Variants in NIPAL3 observed in about 807,000 individuals in gnomAD.
The protein encoded by NIPAL3 is NIPA like domain containing 3.
In NIPAL3, 41 loss-of-function variants were observed where a neutral mutation model predicts 47.2. The ratio of observed to expected loss-of-function variants is 0.87; its 90% CI spans 0.68 to 1.13. The LOEUF is 1.13. Among genes scored for constraint, NIPAL3 ranks in the 50% most tolerant of loss-of-function variants. The pLI, the probability that NIPAL3 is intolerant of heterozygous loss-of-function variation, is 0.00. For missense variants in NIPAL3, 449 were observed against 530.1 expected (o/e 0.85, Z 1.50); for synonymous variants, 194 against 209.6 (o/e 0.93, Z 0.64).
chr1:24,445,472 C>T (rs564396177), intron 5 of NIPAL3, among the ~76,000 whole-genome samples: 3 of 152,246 alleles, frequency 2.0e-5, no homozygotes, highest in African/African-American at 7.2e-5. Flanking sequence ...CTTTTATCCA[C>T]CCCATTGGAT....
At chr1:24,446,184 T>C (rs1645655227) in intron 5 of NIPAL3, among the ~76,000 whole-genome samples, 1 of 151,784 alleles carries the variant, frequency 6.6e-6, no homozygotes, top group African/African-American at 2.4e-5. Context: ...TCAGAGAAAA[T>C]TGAATGCTTT....
chr1:24,449,395 A>T lies in NIPAL3; in HGVS notation c.395-86A>T. 4 of 1,428,630 alleles carry T rather than the reference A, an allele frequency of 2.8e-6. No homozygotes were observed. The highest frequency in any genetic ancestry group is 3.8e-6 in the Non-Finnish European group (4 of 1,050,858). 88.5% of individuals were successfully genotyped at this position (1,428,630 alleles called of 1,614,324 possible). On this transcript the variant is annotated intron_variant, in intron 5 of 11. Coordinates refer to ENST00000374399, the MANE Select transcript of NIPAL3 (RefSeq NM_020448.5). The surrounding 1 kb of genome is among the most constrained non-coding windows in gnomAD (Gnocchi z 4.5). ...ACCAGGTCATGGTATGTTGCAGGAGAAGCCTGTTTTTTCATGGCTGAGAAC... is the reference window on the plus strand; with the variant it reads ...ACCAGGTCATGGTATGTTGCAGGAGTAGCCTGTTTTTTCATGGCTGAGAAC...
intron 9 of NIPAL3, 44 bp downstream of exon 9, chr1:24,459,020 G>A: frequency 1.3e-6 from 2 of 1,550,248 alleles, no homozygotes; most frequent in Non-Finnish European, 1.8e-6. Context: ...TACTTTAGCA[G>A]CAGGGTATTA....
rs1570394514 is a variant in NIPAL3 at position 24,466,306 on chromosome 1, T to C, written c.1021+2186T>C. 1.8e-5 allele frequency: 7 copies of C among 393,654 alleles called. No individual in the cohort carries two copies. In the East Asian group the frequency reaches 2.5e-4, roughly 14 times the overall value. 24.4% of individuals were successfully genotyped at this position (393,654 alleles called of 1,614,324 possible). A position where few individuals can be genotyped will look rare whatever the true frequency, so the allele number is the denominator to read the frequency against. On this transcript the variant is annotated intron_variant, in intron 11 of 11. Transcript: ENST00000374399. ...GAAGAAAAGGGTTTTTTTCCTAAAA[T>C]TAAAAATAAATAAATAAATAAAAGA...
chr1:24,458,628 G>A (rs1425383808), intron 8 of NIPAL3, among the ~76,000 whole-genome samples: 2 of 152,098 alleles, frequency 1.3e-5, no homozygotes, highest in Admixed American at 6.5e-5. Flanking sequence ...GCAGCCAAAG[G>A]TGTGAGACCA....
intron 7 of NIPAL3, among the ~76,000 whole-genome samples, chr1:24,455,269 A>C (rs1646140738): frequency 6.6e-6 from 1 of 152,228 alleles, no homozygotes. Flanking sequence ...GACATTTCTG[A>C]ACAGTAGGGT....
At chr1:24,414,633 C>G (rs1387988380), upstream of NIPAL3, 1 of 143,194 alleles carries the variant, frequency 7.0e-6, no homozygotes, top group African/African-American at 2.6e-5. Context: ...CTCCCGAGTT[C>G]AAGCGATCCT....
At chr1:24,435,634 C>T (rs927297387) in intron 2 of NIPAL3, among the ~76,000 whole-genome samples, 6 of 152,076 alleles carry the variant, frequency 3.9e-5, no homozygotes, top group African/African-American at 9.7e-5. Flanking sequence ...AATATGACAC[C>T]AAAAGCATAA....
Position 24,449,581 on chromosome 1 carries a change from G to A in NIPAL3, c.495G>A (p.Glu165=). ...ACAGTCACGAGAAGATGACAGGCGAGAATGTCACCAGGCACCTCGTGAGCT... is the reference window on the plus strand; with the variant it reads ...ACAGTCACGAGAAGATGACAGGCGAAAATGTCACCAGGCACCTCGTGAGCT... ...APNSHEKMTG[E]NVTRHLVSWP... is the part of the protein sequence containing the mutation. Residue 165 remains glutamate, a synonymous_variant, in exon 6 of 12, where the codon GAG becomes GAA. Coordinates refer to ENST00000374399, the MANE Select transcript of NIPAL3 (RefSeq NM_020448.5). The surrounding 1 kb of genome is among the most constrained non-coding windows in gnomAD (Gnocchi z 4.5). The A allele has an allele frequency of 6.2e-7, 1 of 1,614,096 alleles. No homozygotes were observed.
In NIPAL3 at chr1:24,419,518, A is replaced by G. The variant is rs1443836681; in HGVS notation, c.-30A>G. ...TAGCAGCAGCTCCACCTCCTAGGCC[A>G]GGCCCTGTGGGATGCGCCACTAGAC... On this transcript the variant is annotated 5_prime_UTR_variant, in exon 2 of 12. Coordinates refer to ENST00000374399, the MANE Select transcript of NIPAL3 (RefSeq NM_020448.5). 1.3e-6 allele frequency: 2 copies of G among 1,590,886 alleles called. No individual in the cohort carries two copies. The highest frequency in any genetic ancestry group is 1.7e-4 in the Middle Eastern group (1 of 5,898).
At chr1:24,433,732 C>G (rs1644980052) in intron 2 of NIPAL3, among the ~76,000 whole-genome samples, 1 of 152,050 alleles carries the variant, frequency 6.6e-6, no homozygotes, top group South Asian at 2.1e-4. Context: ...GAAAGGAAGG[C>G]AGAATTCTGT....
chr1:24,454,658 C>T lies in NIPAL3; in HGVS notation c.637+1154C>T. On this transcript the variant is annotated intron_variant, in intron 7 of 11. Transcript: ENST00000374399. The surrounding 1 kb of genome is among the most constrained non-coding windows in gnomAD (Gnocchi z 4.1). Reference sequence around the variant, plus strand: ...AGAGTTGTGAAACCATCATCCTAATCTAATTTTAGAACATTTTGTCACCCC... The same window carrying T: ...AGAGTTGTGAAACCATCATCCTAATTTAATTTTAGAACATTTTGTCACCCC... 3.0e-6 allele frequency: 2 copies of T among 672,020 alleles called. No homozygotes were observed. The highest frequency in any genetic ancestry group is 3.7e-6 in the Non-Finnish European group (2 of 543,982). The allele number at this position is 672,020 out of a possible 1,614,324, so 41.6% of individuals were successfully genotyped here.
intron 2 of NIPAL3, among the ~76,000 whole-genome samples, chr1:24,427,820 A>G (rs958161447): frequency 2.0e-5 from 3 of 152,168 alleles, no homozygotes; most frequent in African/African-American, 7.2e-5. Flanking sequence ...AGAAAACCAT[A>G]CCTGAAAAAG....
In NIPAL3 at chr1:24,454,397, A is replaced by C. The variant is rs1026293168; in HGVS notation, c.637+893A>C. On this transcript the variant is annotated intron_variant, in intron 7 of 11. Transcript: ENST00000374399. The surrounding 1 kb of genome is among the most constrained non-coding windows in gnomAD (Gnocchi z 4.1). ...AAAGGGGGGGCCTATGAGAACATCCAAGTCACGGAAGGGAGTGGGGGTTAA... is the reference window on the plus strand; with the variant it reads ...AAAGGGGGGGCCTATGAGAACATCCCAGTCACGGAAGGGAGTGGGGGTTAA... The C allele has an allele frequency of 2.0e-4, 207 of 1,034,608 alleles. No individual in the cohort carries two copies. Among genetic ancestry groups the C allele is most frequent in the Non-Finnish European group, 2.3e-4 (200 of 859,552 alleles). 64.1% of individuals were successfully genotyped at this position (1,034,608 alleles called of 1,614,324 possible). A position where few individuals can be genotyped will look rare whatever the true frequency, so the allele number is the denominator to read the frequency against.
Position 24,469,296 on chromosome 1 carries a change from G to A in NIPAL3, c.*111G>A, listed in dbSNP as rs774856427. 2 of 854,380 alleles carry A rather than the reference G, an allele frequency of 2.3e-6. No homozygotes were observed. The highest frequency in any genetic ancestry group is 3.5e-6 in the Non-Finnish European group (2 of 567,978). 52.9% of individuals were successfully genotyped at this position (854,380 alleles called of 1,614,324 possible). On this transcript the variant is annotated 3_prime_UTR_variant, in exon 12 of 12. Transcript: ENST00000374399. ...TTTTGTTTCTAACTGAGAACTCTAT[G>A]GATGATGATCTCAAAAAGCCTTTGT...
In NIPAL3 at chr1:24,449,749, A is replaced by G; in HGVS notation, c.540+123A>G. 1 of 1,067,874 alleles carries G rather than the reference A, an allele frequency of 9.4e-7. No individual in the cohort carries two copies. Among genetic ancestry groups the G allele is most frequent in the Non-Finnish European group, 1.3e-6 (1 of 752,590 alleles). 66.1% of individuals were successfully genotyped at this position (1,067,874 alleles called of 1,614,324 possible). A position where few individuals can be genotyped will look rare whatever the true frequency, so the allele number is the denominator to read the frequency against. Reference sequence around the variant, plus strand: ...AGTTGCGGCACATTTTACCAGCATGAAAGACCGTGCTTCTGGAGAGTACAC... The same window carrying G: ...AGTTGCGGCACATTTTACCAGCATGGAAGACCGTGCTTCTGGAGAGTACAC... On this transcript the variant is annotated intron_variant, in intron 6 of 11. Coordinates refer to ENST00000374399, the MANE Select transcript of NIPAL3 (RefSeq NM_020448.5). This position sits in a 1 kb window ranked among gnomAD's most constrained non-coding sequence, Gnocchi z 4.5.
intron 10 of NIPAL3, among the ~76,000 whole-genome samples, chr1:24,461,791 C>T (rs1646483809): frequency 6.6e-6 from 1 of 151,920 alleles, no homozygotes; most frequent in Admixed American, 6.6e-5. Context: ...ATCACTTGAA[C>T]CTGGGAGGTG....
rs1199914348 is a variant in NIPAL3, at chr1:24,416,295, G to A, written c.-258+391G>A. The A allele has an allele frequency of 1.0e-6, 1 of 985,274 alleles. No homozygotes were observed. The highest frequency in any genetic ancestry group is 1.2e-6 in the Non-Finnish European group (1 of 829,934). 61.0% of individuals were successfully genotyped at this position (985,274 alleles called of 1,614,324 possible). A position where few individuals can be genotyped will look rare whatever the true frequency, so the allele number is the denominator to read the frequency against. On this transcript the variant is annotated intron_variant, in intron 1 of 11. Transcript: ENST00000374399. This position sits in a 1 kb window ranked among gnomAD's most constrained non-coding sequence, Gnocchi z 4.8. ...TCTGGAACAGAGGTGCTGTCTCCTC[G>A]AGTTGTAAGTTTCCAGCTCAGTGGG...
chr1:24,469,003 G>A lies in NIPAL3; in HGVS notation c.1039G>A (p.Asp347Asn), dbSNP rs761574692. The change falls in exon 12 of 12, where the codon GAT becomes AAT. Residue 347 changes from aspartate (D) to asparagine (N), a missense_variant. Coordinates refer to ENST00000374399, the MANE Select transcript of NIPAL3 (RefSeq NM_020448.5). ...DAMPGMQNMH[D>N]KGMTVQPELK... ...CATTTCAGGTATGCAGAACATGCACGATAAAGGGATGACTGTCCAGCCTGA... is the reference window on the plus strand; with the variant it reads ...CATTTCAGGTATGCAGAACATGCACAATAAAGGGATGACTGTCCAGCCTGA... The A allele has an allele frequency of 6.2e-6, 10 of 1,614,024 alleles. No individual in the cohort carries two copies. The highest frequency in any genetic ancestry group is 4.0e-5 in the African/African-American group (3 of 74,910).
Sources: allele counts gnomAD v4.1 joint callset (sites outside exome capture counted in the v4.1 genomes callset), GRCh38; gene constraint gnomAD v4.1.1; non-coding constraint Gnocchi (gnomAD v3.1); transcripts MANE v1.5; gene names NCBI Gene and HGNC (gene_info 2026-07-23, HGNC 2026-07-21).